The following TBCK variants were observed in gnomAD, a reference collection of about 807,000 sequenced individuals.
The protein encoded by TBCK is TBC domain-containing protein kinase-like protein.
In TBCK, 99 loss-of-function variants were observed where a neutral mutation model predicts 113.4. The observed-to-expected ratio is 0.87, with a 90% CI of 0.74 to 1.03. The LOEUF is 1.03. Ranked by LOEUF, TBCK falls within the 50% of genes least tolerant of loss-of-function variation. The pLI is 0.00. For synonymous variants in TBCK, 369 were observed against 370.8 expected, an observed-to-expected ratio of 1.00 and a Z score of 0.05; for missense variants, 1,045 against 1,061.3, an observed-to-expected ratio of 0.98 and a Z score of 0.21.
At position 106,233,583 on chromosome 4, in the gene TBCK, C is replaced by G. The variant is rs1217641547; in HGVS notation, c.1512+5G>C. On this transcript the variant is annotated splice_donor_5th_base_variant and intron_variant, in intron 16 of 25. Coordinates refer to ENST00000394708, the MANE Select transcript of TBCK (RefSeq NM_001163435.3). The stretch of plus-strand genomic sequence containing the variant: ...TTAGGTTGCTTAAGAAAACCTAAAT[C>G]ATACTTGTCTATCTGTAGGAATTGG... 1.2e-6 allele frequency: 2 copies of G among 1,609,490 alleles called. No homozygotes were observed. Among genetic ancestry groups the G allele is most frequent in the Non-Finnish European group, 1.7e-6 (2 of 1,177,152 alleles).
chr4:106,316,369 T>C (rs972539478), upstream of TBCK: 18 of 608,580 alleles, frequency 3.0e-5, no homozygotes, highest in Middle Eastern at 2.6e-4. Context: ...GGGGGGTCGA[T>C]TGAAAATACT....
intron 16 of TBCK, 87 bp downstream of exon 16, chr4:106,233,501 G>T: frequency 9.9e-7 from 1 of 1,013,196 alleles, no homozygotes; most frequent in Non-Finnish European, 1.5e-6. Context: ...GTATTCATGA[G>T]AGAAAGAGGC....
At chr4:106,273,136 T>C (rs1003601236) in intron 3 of TBCK, among the ~76,000 whole-genome samples, 12 of 152,196 alleles carry the variant, frequency 7.9e-5, no homozygotes, top group African/African-American at 2.7e-4. Context: ...TCTGGATAAA[T>C]GGATGAAAAT....
chr4:106,059,278 G>A (rs147313468), intron 25 of TBCK, among the ~76,000 whole-genome samples: 1 of 151,628 alleles, frequency 6.6e-6, no homozygotes, highest in Non-Finnish European at 1.5e-5. Flanking sequence ...CTCATTTATT[G>A]TGCTTTGCTA....
intron 25 of TBCK, among the ~76,000 whole-genome samples, chr4:106,063,246 A>G (rs756085068): frequency 3.9e-5 from 6 of 152,034 alleles, no homozygotes; most frequent in Admixed American, 6.6e-5. Flanking sequence ...GCCAGTGCTT[A>G]TAGGTATAAC....
At chr4:106,205,587 C>CAAAAAAAAA (rs70941240) in intron 20 of TBCK, among the ~76,000 whole-genome samples, 2 of 64,200 alleles carry the variant, frequency 3.1e-5, no homozygotes, top group Non-Finnish European at 5.7e-5. Context: ...ACTAAAAATA[C>CAAAAAAAAA]AAAAAAAAAA....
At chr4:106,293,047 T>G (rs187016593) in intron 3 of TBCK, among the ~76,000 whole-genome samples, 1 of 152,192 alleles carries the variant, frequency 6.6e-6, no homozygotes, top group African/African-American at 2.4e-5. Flanking sequence ...CAAAAGAGTT[T>G]AAGCATTACT....
intron 3 of TBCK, among the ~76,000 whole-genome samples, chr4:106,289,767 CA>C (rs574557805): frequency 1.1e-3 from 74 of 65,216 alleles, no homozygotes; most frequent in Middle Eastern, 0.011. Context: ...GACTCTGTCT[CA>C]AAAAAAAAAA....
intron 25 of TBCK, among the ~76,000 whole-genome samples, chr4:106,094,152 T>C (rs1332549904): frequency 6.6e-6 from 1 of 152,238 alleles, no homozygotes; most frequent in Non-Finnish European, 1.5e-5. Flanking sequence ...CATAGTTCTC[T>C]AAATGTAACC....
At chr4:106,067,440 T>C (rs1329374790) in intron 25 of TBCK, among the ~76,000 whole-genome samples, 1 of 152,142 alleles carries the variant, frequency 6.6e-6, no homozygotes, top group Non-Finnish European at 1.5e-5. Context: ...ACAAATATTT[T>C]CTCCCATTTT....
chr4:106,271,798 A>G (rs746144664), intron 3 of TBCK, among the ~76,000 whole-genome samples: 1 of 151,692 alleles, frequency 6.6e-6, no homozygotes, highest in Admixed American at 6.6e-5. Flanking sequence ...CTTAAGTTGT[A>G]TAAGTCAGTA....
chr4:106,118,998 G>GA (rs1232014783), intron 23 of TBCK, among the ~76,000 whole-genome samples: 5 of 152,104 alleles, frequency 3.3e-5, no homozygotes, highest in Non-Finnish European at 7.4e-5. Flanking sequence ...ATTAAATTTA[G>GA]AAAAAATTAT....
intron 2 of TBCK, among the ~76,000 whole-genome samples, chr4:106,303,388 C>T (rs1276228496): frequency 6.6e-6 from 1 of 152,040 alleles, no homozygotes; most frequent in African/African-American, 2.4e-5. Context: ...AAAAACTATG[C>T]ATTTTCATTA....
intron 25 of TBCK, among the ~76,000 whole-genome samples, chr4:106,093,561 A>C (rs1740564287): frequency 6.6e-6 from 1 of 152,210 alleles, no homozygotes. Flanking sequence ...CTTCTGAGAC[A>C]TGGATTGTTG....
At position 106,297,891 on chromosome 4, in the gene TBCK, TCA is replaced by T. The variant is rs1175225897; in HGVS notation, c.194-2727_194-2726del. The stretch of plus-strand genomic sequence containing the variant: ...ATGAAGAGAAGAATAGCCACCTGCC[TCA>T]CAGGGTTGTTGTGAGGTTGAAATGA... On this transcript the variant is annotated intron_variant, in intron 2 of 25. Transcript: ENST00000394708. Among the ~76,000 whole-genome samples the T allele has an allele frequency of 7.9e-5, 12 of 152,300 alleles. No homozygotes were observed. In the East Asian group the frequency reaches 2.3e-3, roughly 29 times the overall value.
At chr4:106,257,812 C>T (rs1055223474) in intron 5 of TBCK, among the ~76,000 whole-genome samples, 2 of 151,976 alleles carry the variant, frequency 1.3e-5, no homozygotes, top group Non-Finnish European at 2.9e-5. Context: ...TGGAATATTA[C>T]TGCCTACGTC....
At chr4:106,240,454 A>T (rs931397588) in intron 12 of TBCK, among the ~76,000 whole-genome samples, 3 of 152,044 alleles carry the variant, frequency 2.0e-5, no homozygotes, top group Non-Finnish European at 4.4e-5. Flanking sequence ...CATATTATTT[A>T]AAAAAGAATA....
intron 25 of TBCK, among the ~76,000 whole-genome samples, chr4:106,092,496 G>A (rs1740394511): frequency 6.6e-6 from 1 of 152,234 alleles, no homozygotes; most frequent in Non-Finnish European, 1.5e-5. Context: ...CCCACGGTGG[G>A]TTGGGGGGAG....
intron 5 of TBCK, among the ~76,000 whole-genome samples, chr4:106,258,585 C>T (rs1762218570): frequency 6.6e-6 from 1 of 152,036 alleles, no homozygotes; most frequent in South Asian, 2.1e-4. Flanking sequence ...AAGTGTAGCT[C>T]TTACTTGATA....
Sources: gnomAD v4.1 joint callset for allele counts (sites outside exome capture counted in the v4.1 genomes callset) on GRCh38, gnomAD v4.1.1 for gene constraint, MANE v1.5 for transcripts, NCBI Gene and HGNC (gene_info 2026-07-23, HGNC 2026-07-21) for gene names.